Variants in CHD7 observed in about 807,000 individuals in gnomAD.
CHD7 encodes ATP-dependent chromatin remodeler CHD7.
In CHD7, 24 loss-of-function variants were observed where a neutral mutation model predicts 307.3. The ratio of observed to expected loss-of-function variants is 0.08; its 90% CI spans 0.06 to 0.11. CHD7 has a LOEUF of 0.11. CHD7 is among the 10% of genes least tolerant of loss of function. The pLI, the probability that CHD7 is intolerant of heterozygous loss-of-function variation, is 1.00. For synonymous variants in CHD7, 1,363 were observed against 1,349.9 expected (o/e 1.01, Z -0.21); for missense variants, 3,106 against 3,727.1 (o/e 0.83, Z 4.34).
At chr8:60,751,142 T>A (rs1011477747) in intron 2 of CHD7, among the ~76,000 whole-genome samples, 1 of 152,246 alleles carries the variant, frequency 6.6e-6, no homozygotes, top group African/African-American at 2.4e-5. Context: ...TTTCAAGATT[T>A]TAGTTTTGAG....
intron 7 of CHD7, among the ~76,000 whole-genome samples, chr8:60,815,186 A>G (rs980787244): frequency 6.6e-6 from 1 of 152,194 alleles, no homozygotes; most frequent in Non-Finnish European, 1.5e-5. Flanking sequence ...TATCTTTGCA[A>G]ATCATATTAG....
chr8:60,840,709 C>G (rs1804935121), intron 19 of CHD7, among the ~76,000 whole-genome samples: 2 of 152,036 alleles, frequency 1.3e-5, no homozygotes, highest in African/African-American at 4.8e-5. Flanking sequence ...CCTCCACCTC[C>G]TGGGTTCAAG....
Position 60,854,371 on chromosome 8 carries a change from G to C in CHD7, c.6784G>C (p.Val2262Leu). The change falls in exon 32 of 38, where the codon GTC becomes CTC. Residue 2262 changes from valine (V) to leucine (L), a missense_variant. Val to Leu is a conservative substitution (Grantham distance 32). Transcript: ENST00000423902. ...ATTAACTCATTTCTCAGCAGGAGCT[G>C]TCTCTAGAGGGAAGAATTTTGATGA... ...EESSQPEAGA[V>L]SRGKNFDEES... 1 of 1,613,506 alleles carries C rather than the reference G, an allele frequency of 6.2e-7. No homozygotes were observed. The highest frequency in any genetic ancestry group is 8.5e-7 in the Non-Finnish European group (1 of 1,179,600).
intron 23 of CHD7, among the ~76,000 whole-genome samples, chr8:60,847,676 T>C (rs139220891): frequency 5.3e-4 from 81 of 152,322 alleles, no homozygotes; most frequent in Middle Eastern, 3.4e-3. Flanking sequence ...TTTTGGGACT[T>C]ACCAGGTGGA....
chr8:60,730,585 G>A (rs1808397445), intron 1 of CHD7, among the ~76,000 whole-genome samples: 1 of 152,208 alleles, frequency 6.6e-6, no homozygotes, highest in African/African-American at 2.4e-5. Flanking sequence ...TGGAGGCCGG[G>A]CGTGGTGGCT....
intron 3 of CHD7, among the ~76,000 whole-genome samples, chr8:60,789,603 T>C (rs1236534066): frequency 3.9e-5 from 6 of 152,246 alleles, no homozygotes; most frequent in Admixed American, 3.9e-4. Context: ...TGTTCAGGAC[T>C]TAGATCTATT....
At position 60,741,350 on chromosome 8, in the gene CHD7, G is replaced by A; in HGVS notation, c.-83G>A. The A allele has an allele frequency of 2.1e-6, 2 of 937,498 alleles. No homozygotes were observed. Among genetic ancestry groups the A allele is most frequent in the Non-Finnish European group, 3.2e-6 (2 of 619,848 alleles). 58.1% of individuals were successfully genotyped at this position (937,498 alleles called of 1,614,324 possible). On this transcript the variant is annotated 5_prime_UTR_variant, in exon 2 of 38. Coordinates refer to ENST00000423902, the MANE Select transcript of CHD7 (RefSeq NM_017780.4). ...GAAGAAGATTAGTTAAGGATTATAGGCTTTGAGGGCAAACACCTCAGTGAA... is the reference window on the plus strand; with the variant it reads ...GAAGAAGATTAGTTAAGGATTATAGACTTTGAGGGCAAACACCTCAGTGAA...
intron 12 of CHD7, 85 bp from the exon 13 acceptor site, chr8:60,823,755 A>C: frequency 9.0e-7 from 1 of 1,115,678 alleles, no homozygotes. Context: ...AGGGATAAAT[A>C]CGTATGTTTT....
intron 9 of CHD7, among the ~76,000 whole-genome samples, chr8:60,821,142 T>C (rs956335470): frequency 1.5e-4 from 23 of 152,192 alleles, no homozygotes; most frequent in Non-Finnish European, 2.9e-4. Flanking sequence ...AATTTAAGCG[T>C]ATGTCTCATT....
chr8:60,807,231 C>T (rs975652676), intron 6 of CHD7, among the ~76,000 whole-genome samples: 5 of 152,126 alleles, frequency 3.3e-5, no homozygotes, highest in African/African-American at 9.7e-5. Context: ...TGATTTTCTT[C>T]GAAGCATTTC....
rs371417969 is a variant in CHD7 at position 60,865,952 on chromosome 8, C to A, written c.*19C>A. 9 of 1,575,302 alleles carry A rather than the reference C, an allele frequency of 5.7e-6. No homozygotes were observed. The Middle Eastern group carries it at 1.4e-3, about 237-fold the overall frequency. On this transcript the variant is annotated 3_prime_UTR_variant, in exon 38 of 38. Coordinates refer to ENST00000423902, the MANE Select transcript of CHD7 (RefSeq NM_017780.4). The surrounding 1 kb of genome is among the most constrained non-coding windows in gnomAD (Gnocchi z 4.3). ...TGAATAACCAGTACCAGTTCCAGTTCAAGTGTTTAAAACTTTTGACAAGTG... is the reference window on the plus strand; with the variant it reads ...TGAATAACCAGTACCAGTTCCAGTTAAAGTGTTTAAAACTTTTGACAAGTG...
Position 60,852,821 on chromosome 8 carries a change from T to G in CHD7, c.6104-8T>G. 1.2e-6 allele frequency: 2 copies of G among 1,611,046 alleles called. No individual in the cohort carries two copies. The highest frequency in any genetic ancestry group is 2.2e-5 in the South Asian group (2 of 91,078). ...CCCCAAGTAAATATGAGCCCTTCTG[T>G]GTTACAGAACCGCCCGACCTCTCCT... On this transcript the variant is annotated splice_polypyrimidine_tract_variant and splice_region_variant and intron_variant, in intron 30 of 37. Transcript: ENST00000423902.
chr8:60,749,810 C>T (rs1181219151), intron 2 of CHD7, among the ~76,000 whole-genome samples: 4 of 152,254 alleles, frequency 2.6e-5, no homozygotes, highest in Non-Finnish European at 5.9e-5. Context: ...AGCAAACCAT[C>T]CAGCCTTTAC....
intron 1 of CHD7, among the ~76,000 whole-genome samples, chr8:60,688,430 C>G (rs1669557307): frequency 6.6e-6 from 1 of 152,196 alleles, no homozygotes; most frequent in South Asian, 2.1e-4. Flanking sequence ...AAAAGTCCCT[C>G]AAACCATAAT....
Position 60,820,103 on chromosome 8 carries a change from C to G in CHD7, c.2697+13C>G. 6.4e-7 allele frequency: 1 copy of G among 1,570,994 alleles called. No homozygotes were observed. On this transcript the variant is annotated intron_variant, in intron 9 of 37. Transcript: ENST00000423902. ...TGACCGGGGAGAGGTAACAGGAGATCATTTGTATTACAAAGTGGTGATTCA... is the reference window on the plus strand; with the variant it reads ...TGACCGGGGAGAGGTAACAGGAGATGATTTGTATTACAAAGTGGTGATTCA...
chr8:60,710,050 T>TG (rs1807204540), intron 1 of CHD7, among the ~76,000 whole-genome samples: 1 of 152,052 alleles, frequency 6.6e-6, no homozygotes, highest in Non-Finnish European at 1.5e-5. Context: ...CACTCCATTT[T>TG]GGGGGAGAGA....
chr8:60,855,159 C>CA (rs1805643853), intron 32 of CHD7: 1 of 152,172 alleles, frequency 6.6e-6, no homozygotes, highest in African/African-American at 2.4e-5. Context: ...GAGCTTCAGT[C>CA]AGCCTACCCC....
intron 2 of CHD7, among the ~76,000 whole-genome samples, chr8:60,759,472 C>A (rs1810060968): frequency 6.9e-6 from 1 of 144,758 alleles, no homozygotes; most frequent in African/African-American, 2.6e-5. Context: ...TCCCTCTCTC[C>A]CTCTCTCCCT....
rs757404948 is a variant in CHD7 at position 60,836,218 on chromosome 8, G to A, written c.3924G>A (p.Arg1308=). 6 of 1,613,988 alleles carry A rather than the reference G, an allele frequency of 3.7e-6. No homozygotes were observed. Among genetic ancestry groups the A allele is most frequent in the Non-Finnish European group, 5.1e-6 (6 of 1,179,934 alleles). Residue 1308 remains arginine (R), a synonymous_variant, in exon 16 of 38, where the codon AGG becomes AGA. Transcript: ENST00000423902. ...LLPKLKAGGH[R]VLIFSQMVRC... ...CAAAACTGAAGGCTGGTGGCCACAG[G>A]GTGCTTATCTTTTCCCAGATGGTGC...
Sources: gnomAD v4.1 joint callset for allele counts (sites outside exome capture counted in the v4.1 genomes callset) on GRCh38, gnomAD v4.1.1 for gene constraint, Gnocchi (gnomAD v3.1) non-coding constraint, MANE v1.5 for transcripts, NCBI Gene and HGNC (gene_info 2026-07-23, HGNC 2026-07-21) for gene names.